The following PRORP variants were observed in gnomAD, a reference collection of about 807,000 sequenced individuals.
PRORP encodes the protein mitochondrial ribonuclease P catalytic subunit.
A neutral mutation model predicts 59.4 loss-of-function variants in PRORP; 51 were observed. The ratio of observed to expected loss-of-function variants is 0.86; its 90% CI spans 0.69 to 1.08. The LOEUF (loss-of-function observed/expected upper bound fraction) is 1.08. PRORP is among the 50% of genes least tolerant of loss of function. The probability of loss-of-function intolerance (pLI) is 0.00; values close to 1 mark genes in which losing one functional copy is unlikely to be tolerated. For missense variants in PRORP, 646 were observed against 690.3 expected (o/e 0.94, Z 0.72); for synonymous variants, 231 against 245.6 (o/e 0.94, Z 0.55).
At chr14:35,129,371 T>G (rs951976228) in intron 4 of PRORP, among the ~76,000 whole-genome samples, 52 of 152,178 alleles carry the variant, frequency 3.4e-4, no homozygotes, top group Non-Finnish European at 3.2e-4. Flanking sequence ...TCTGGTTGTT[T>G]TGTGGTCTTA....
At chr14:35,165,716 G>A (rs1195268152) in intron 4 of PRORP, among the ~76,000 whole-genome samples, 1 of 151,570 alleles carries the variant, frequency 6.6e-6, no homozygotes, top group Non-Finnish European at 1.5e-5. Context: ...GTCTTGCTCT[G>A]TTGCCCAGGC....
chr14:35,271,232 C>T (rs111628330), intron 7 of PRORP, among the ~76,000 whole-genome samples: 8,414 of 143,632 alleles, frequency 0.059, 319 homozygotes, highest in Middle Eastern at 0.12. Context: ...AATCTCAGCT[C>T]ACTACAGCCT....
intron 5 of PRORP, among the ~76,000 whole-genome samples, chr14:35,240,727 C>G (rs2050344180): frequency 6.6e-6 from 1 of 152,152 alleles, no homozygotes; most frequent in African/African-American, 2.4e-5. Context: ...CTTGTTCCTC[C>G]TCCTCCACAT....
At chr14:35,177,269 G>A (rs191825874) in intron 4 of PRORP, among the ~76,000 whole-genome samples, 5,689 of 152,028 alleles carry the variant, frequency 0.037, 164 homozygotes, top group Non-Finnish European at 0.054. Flanking sequence ...AAATGAGTTA[G>A]GGAGGATTCC....
At chr14:35,256,909 G>A (rs2050775978) in intron 5 of PRORP, among the ~76,000 whole-genome samples, 2 of 142,180 alleles carry the variant, frequency 1.4e-5, no homozygotes, top group Non-Finnish European at 3.0e-5. Flanking sequence ...GTCTCGCTCT[G>A]TTGCCCAGGC....
chr14:35,211,777 GT>G (rs993521020), intron 5 of PRORP, among the ~76,000 whole-genome samples: 2 of 152,148 alleles, frequency 1.3e-5, no homozygotes, highest in Non-Finnish European at 1.5e-5. Context: ...TGCTGATAGG[GT>G]GGTTGTTGCT....
At chr14:35,263,611 C>T (rs1314953095) in intron 5 of PRORP, among the ~76,000 whole-genome samples, 5 of 152,114 alleles carry the variant, frequency 3.3e-5, no homozygotes, top group Admixed American at 6.6e-5. Flanking sequence ...TCGCTTGAAC[C>T]TGGGAGGCAG....
At chr14:35,221,211 T>G (rs1431062162) in intron 5 of PRORP, among the ~76,000 whole-genome samples, 1 of 151,838 alleles carries the variant, frequency 6.6e-6, no homozygotes, top group Non-Finnish European at 1.5e-5. Flanking sequence ...GTGAGCCACT[T>G]GACTCAGCTG....
intron 5 of PRORP, among the ~76,000 whole-genome samples, chr14:35,196,302 C>T (rs572026826): frequency 2.5e-4 from 38 of 152,224 alleles, no homozygotes; most frequent in African/African-American, 9.1e-4. Context: ...TAGTGAGACC[C>T]CCCTGCCCCC....
intron 7 of PRORP, among the ~76,000 whole-genome samples, 155 bp from the exon 8 acceptor site, chr14:35,273,280 C>A (rs10140985): frequency 0.049 from 7,426 of 152,278 alleles, 265 homozygotes; most frequent in African/African-American, 0.098. Context: ...GGCTCATCTT[C>A]ACAGAGTTTG....
chr14:35,159,301 G>A (rs998586246), intron 4 of PRORP, among the ~76,000 whole-genome samples: 9 of 152,158 alleles, frequency 5.9e-5, no homozygotes, highest in African/African-American at 2.2e-4. Flanking sequence ...ACTGCTTTGT[G>A]TTTTCTTCCT....
intron 5 of PRORP, among the ~76,000 whole-genome samples, chr14:35,221,098 C>T (rs1490042930): frequency 2.0e-5 from 3 of 152,174 alleles, no homozygotes; most frequent in Non-Finnish European, 4.4e-5. Context: ...GGCAGCCCAG[C>T]ATCCTCATCC....
intron 3 of PRORP, among the ~76,000 whole-genome samples, chr14:35,127,249 CA>C (rs928362622): frequency 1.7e-3 from 242 of 140,944 alleles, no homozygotes; most frequent in Middle Eastern, 3.6e-3. Flanking sequence ...GACCCTGTCT[CA>C]AAAAAAAAAA....
intron 4 of PRORP, among the ~76,000 whole-genome samples, chr14:35,130,944 TTTC>T (rs535831951): frequency 3.7e-4 from 55 of 150,198 alleles, no homozygotes; most frequent in African/African-American, 9.6e-4. Context: ...TAACGGTCCT[TTTC>T]TTCTTCTTCT....
chr14:35,232,710 G>A (rs1020677865), intron 5 of PRORP, among the ~76,000 whole-genome samples: 5 of 150,756 alleles, frequency 3.3e-5, no homozygotes, highest in African/African-American at 9.8e-5. Context: ...ATCTTTCTTC[G>A]TTGCCAGGCT....
At chr14:35,235,111 T>G (rs7146853) in intron 5 of PRORP, 5,009 of 464,916 alleles carry the variant, frequency 0.011, 201 homozygotes, top group African/African-American at 0.085. Flanking sequence ...AGCTAATATT[T>G]TTTGAAGGAA....
chr14:35,145,924 G>A (rs1419838792), intron 4 of PRORP, among the ~76,000 whole-genome samples: 1 of 151,402 alleles, frequency 6.6e-6, no homozygotes, highest in Non-Finnish European at 1.5e-5. Context: ...CGCCTCCCGG[G>A]TTCAAGCGAT....
At chr14:35,222,402 T>C (rs2049810293) in intron 5 of PRORP, 1 of 152,172 alleles carries the variant, frequency 6.6e-6, no homozygotes, top group Non-Finnish European at 1.5e-5. Context: ...AATACAACCA[T>C]ATTCAATAAA....
chr14:35,132,791 A>G (rs535488362), intron 4 of PRORP, among the ~76,000 whole-genome samples: 1 of 152,198 alleles, frequency 6.6e-6, no homozygotes, highest in Non-Finnish European at 1.5e-5. Flanking sequence ...CATCAAAAAA[A>G]AAAAAAAAAG....
Sources: allele counts gnomAD v4.1 joint callset (sites outside exome capture counted in the v4.1 genomes callset), GRCh38; gene constraint gnomAD v4.1.1; transcripts MANE v1.5; gene names NCBI Gene and HGNC (gene_info 2026-07-23, HGNC 2026-07-21).